UBAP2: variants seen among roughly 807,000 people sequenced by gnomAD.
UBAP2 encodes the protein ubiquitin associated protein 2, also known as ubiquitin-associated protein 2.
In UBAP2, 75 loss-of-function variants were observed where a neutral mutation model predicts 139.6. That is an observed-to-expected ratio of 0.54 (90% CI 0.45 to 0.65). UBAP2 has a LOEUF of 0.65. Ranked by LOEUF, UBAP2 falls within the 30% of genes least tolerant of loss-of-function variation. The probability of loss-of-function intolerance (pLI) is 0.00; values close to 1 mark genes in which losing one functional copy is unlikely to be tolerated. For synonymous variants in UBAP2, 526 were observed against 526.2 expected, an observed-to-expected ratio of 1.00 and a Z score of 0.01; for missense variants, 1,368 against 1,369.6, an observed-to-expected ratio of 1.00 and a Z score of 0.02.
In UBAP2 at chr9:34,035,514, A is replaced by AAAAAAAATATATATATATATATATAT; in HGVS notation, c.-42+13310_-42+13311insATATATATATATATATATATTTTTTT. 2.2e-3 allele frequency among the ~76,000 whole-genome samples: 49 copies of AAAAAAAATATATATATATATATATAT among 22,476 alleles called. 1 individual carries two copies. Among genetic ancestry groups the AAAAAAAATATATATATATATATATAT allele is most frequent in the African/African-American group, 5.2e-3 (41 of 7,838 alleles). 14.7% of individuals were successfully genotyped at this position (22,476 alleles called of 152,430 possible). A position where few individuals can be genotyped will look rare whatever the true frequency, so the allele number is the denominator to read the frequency against. ...GAGACTCCATCTAAAAAAAAAAAAA[A>AAAAAAAATATATATATATATATATAT]ATATATATATATAAAGATTAGCCAG... On this transcript the variant is annotated intron_variant, in intron 1 of 28. Transcript: ENST00000379238.
intron 8 of UBAP2, among the ~76,000 whole-genome samples, chr9:33,969,180 T>A (rs1313782472): frequency 6.6e-6 from 1 of 152,224 alleles, no homozygotes; most frequent in Non-Finnish European, 1.5e-5. Context: ...TCAATCTTTT[T>A]GTACAAGATT....
intron 1 of UBAP2, among the ~76,000 whole-genome samples, chr9:34,047,090 C>T (rs117275412): frequency 0.015 from 2,305 of 152,230 alleles, 27 homozygotes; most frequent in Non-Finnish European, 0.021. Context: ...CATTCTCTCC[C>T]ATGCCACCAC....
rs142252402 is a variant in UBAP2, at chr9:34,027,251, C to T, written c.-41-10062G>A. ...ATCCCGGCACTTTGGGAGGCTGAGG[C>T]GGGAGGATTACTTGAGGTCAGGAGT... is the stretch of plus-strand genomic sequence containing the variant. On this transcript the variant is annotated intron_variant, in intron 1 of 28. Transcript: ENST00000379238. 3.0e-3 allele frequency among the ~76,000 whole-genome samples: 456 copies of T among 151,780 alleles called. 1 individual carries two copies. Among genetic ancestry groups the T allele is most frequent in the Non-Finnish European group, 5.7e-3 (387 of 67,912 alleles).
In UBAP2 at chr9:34,017,135, A is replaced by G; in HGVS notation, c.14T>C (p.Val5Ala). The change falls in exon 2 of 29, where the codon GTG (valine) becomes GCG (alanine). Residue 5 changes from valine (V) to alanine (A), a missense_variant. Physicochemically the swap from Val to Ala is moderately conservative, Grantham distance 64. Coordinates refer to ENST00000379238, the MANE Select transcript of UBAP2 (RefSeq NM_001370062.2). Reference protein sequence around the residue: MMTSVSSDHCRGARE... With the variant: MMTSASSDHCRGARE... ...AGCACCTCGACAATGGTCACTGCTC[A>G]CTGAAGTCATCATATACAGTATATA... 1.9e-6 allele frequency: 3 copies of G among 1,606,468 alleles called. No homozygotes were observed. The highest frequency in any genetic ancestry group is 2.5e-6 in the Non-Finnish European group (3 of 1,177,992).
rs781302192 is a variant in UBAP2, at chr9:33,941,873, T to G, written c.1716-11A>C. 1 of 1,587,528 alleles carries G rather than the reference T, an allele frequency of 6.3e-7. No homozygotes were observed. The highest frequency in any genetic ancestry group is 1.1e-5 in the South Asian group (1 of 88,622). ...GTATTCAAAGGCTCACTGAAAAGAG[T>G]CAAAAATATTCAACATAATTTTGTT... On this transcript the variant is annotated splice_polypyrimidine_tract_variant and intron_variant, in intron 15 of 28. Transcript: ENST00000379238.
chr9:34,020,016 C>T (rs1195785631), intron 1 of UBAP2, among the ~76,000 whole-genome samples: 4 of 151,686 alleles, frequency 2.6e-5, no homozygotes, highest in African/African-American at 9.7e-5. Flanking sequence ...AAAAATTAGC[C>T]AGGCATGGTG....
chr9:33,993,251 A>T (rs993081395), intron 4 of UBAP2, among the ~76,000 whole-genome samples: 23 of 152,366 alleles, frequency 1.5e-4, no homozygotes, highest in African/African-American at 5.5e-4. Context: ...TAGGAAAAGA[A>T]TCGTTTGCCT....
At chr9:33,993,654 A>G (rs1157396653) in intron 4 of UBAP2, among the ~76,000 whole-genome samples, 2 of 152,226 alleles carry the variant, frequency 1.3e-5, no homozygotes, top group Admixed American at 1.3e-4. Flanking sequence ...CAACGGAGTG[A>G]GACCCTGTCT....
At chr9:34,006,863 G>A (rs936796188) in intron 2 of UBAP2, among the ~76,000 whole-genome samples, 1 of 152,144 alleles carries the variant, frequency 6.6e-6, no homozygotes, top group Non-Finnish European at 1.5e-5. Context: ...AAAACGACTA[G>A]AGAAACTGAC....
At chr9:34,043,045 G>A (rs1827234974) in intron 1 of UBAP2, among the ~76,000 whole-genome samples, 1 of 152,032 alleles carries the variant, frequency 6.6e-6, no homozygotes. Flanking sequence ...TCCATCCTGG[G>A]CGACAAAGCA....
intron 6 of UBAP2, among the ~76,000 whole-genome samples, chr9:33,982,881 T>G (rs307698): frequency 0.019 from 2,430 of 130,180 alleles, 63 homozygotes; most frequent in African/African-American, 0.064. Context: ...TTTTTTTTTG[T>G]TTTTTTTTTT....
chr9:33,933,474 C>A lies in UBAP2; in HGVS notation c.2108+16G>T. The A allele has an allele frequency of 6.2e-7, 1 of 1,612,976 alleles. No homozygotes were observed. Among genetic ancestry groups the A allele is most frequent in the Non-Finnish European group, 8.5e-7 (1 of 1,179,580 alleles). On this transcript the variant is annotated intron_variant, in intron 18 of 28. Transcript: ENST00000379238. ...CCCAAGGTACTTCTCACTTTGGGCC[C>A]ACACCTTCCCCATACCTGCTAAGCT...
intron 7 of UBAP2, among the ~76,000 whole-genome samples, chr9:33,972,730 G>A (rs1470959735): frequency 6.6e-6 from 1 of 152,136 alleles, no homozygotes. Flanking sequence ...TTCAATTCAG[G>A]AAAAAGGTAT....
chr9:33,962,707 T>C (rs1482704718), intron 9 of UBAP2, among the ~76,000 whole-genome samples: 1 of 149,810 alleles, frequency 6.7e-6, no homozygotes, highest in Non-Finnish European at 1.5e-5. Flanking sequence ...CCTGGAGCAG[T>C]GGCTCATGCC....
intron 24 of UBAP2, 115 bp from the exon 25 acceptor site, chr9:33,923,593 G>A (rs1441565125): frequency 8.7e-7 from 1 of 1,149,920 alleles, no homozygotes. Flanking sequence ...CAGGGGACCT[G>A]TGTTTTCATT....
intron 16 of UBAP2, chr9:33,938,795 CAAAAA>C (rs10577457): frequency 1.7e-3 from 532 of 309,760 alleles, no homozygotes; most frequent in East Asian, 3.1e-3. Flanking sequence ...GACTCCATCT[CAAAAA>C]AAAAAAAAAA....
At chr9:34,022,441 T>TC (rs1377877050) in intron 1 of UBAP2, among the ~76,000 whole-genome samples, 1 of 149,250 alleles carries the variant, frequency 6.7e-6, no homozygotes, top group East Asian at 2.0e-4. Flanking sequence ...CCCTTTTTTT[T>TC]TTTTTTTTTT....
At chr9:33,965,909 TGTG>T (rs889521652) in intron 8 of UBAP2, among the ~76,000 whole-genome samples, 8 of 151,620 alleles carry the variant, frequency 5.3e-5, no homozygotes, top group African/African-American at 1.9e-4. Context: ...ATTAGCCAGG[TGTG>T]GTGGCGGGTG....
chr9:33,967,085 A>G (rs1326320261), intron 8 of UBAP2, among the ~76,000 whole-genome samples: 1 of 152,134 alleles, frequency 6.6e-6, no homozygotes. Context: ...CTAATCTTAC[A>G]TATCTTACAT....
Sources: gnomAD v4.1 joint callset for allele counts (sites outside exome capture counted in the v4.1 genomes callset) on GRCh38, gnomAD v4.1.1 for gene constraint, MANE v1.5 for transcripts, NCBI Gene and HGNC (gene_info 2026-07-23, HGNC 2026-07-21) for gene names.